The following ARHGAP26 variants were observed in gnomAD, a reference collection of about 807,000 sequenced individuals.
ARHGAP26 encodes the protein Rho GTPase activating protein 26.
ARHGAP26 carries 38 observed loss-of-function variants against 104.8 expected under a neutral mutation model. The observed-to-expected ratio is 0.36, with a 90% CI of 0.28 to 0.48. The LOEUF (loss-of-function observed/expected upper bound fraction) is 0.48. Among genes scored for constraint, ARHGAP26 ranks in the 20% least tolerant of loss-of-function variants. The pLI is 0.99. For synonymous variants in ARHGAP26, 341 were observed against 340.0 expected, an observed-to-expected ratio of 1.00 and a Z score of -0.03; for missense variants, 704 against 947.9, an observed-to-expected ratio of 0.74 and a Z score of 3.38.
chr5:143,142,046 A>G (rs543090336), intron 19 of ARHGAP26, among the ~76,000 whole-genome samples: 113 of 151,838 alleles, frequency 7.4e-4, no homozygotes, highest in African/African-American at 2.6e-3. Flanking sequence ...CAAAATCAGA[A>G]GTCGTTTTGC....
At chr5:143,073,877 C>T (rs1413836605) in intron 17 of ARHGAP26, among the ~76,000 whole-genome samples, 7 of 152,176 alleles carry the variant, frequency 4.6e-5, no homozygotes, top group African/African-American at 9.7e-5. Flanking sequence ...CCGTTAACTT[C>T]GAAGACATCT....
intron 10 of ARHGAP26, among the ~76,000 whole-genome samples, chr5:142,916,190 A>C (rs1399814912): frequency 6.6e-6 from 1 of 152,258 alleles, no homozygotes; most frequent in Non-Finnish European, 1.5e-5. Context: ...TTCTATCAAG[A>C]TACAAATACA....
intron 1 of ARHGAP26, among the ~76,000 whole-genome samples, chr5:142,776,708 C>T (rs903730336): frequency 2.0e-5 from 3 of 152,112 alleles, no homozygotes; most frequent in Admixed American, 6.5e-5. Flanking sequence ...TGTTTGCATA[C>T]GTGTCTTCAT....
chr5:143,075,071 G>A (rs1359680382), intron 17 of ARHGAP26, among the ~76,000 whole-genome samples: 1 of 152,186 alleles, frequency 6.6e-6, no homozygotes, highest in Non-Finnish European at 1.5e-5. Context: ...GATAGCAAAG[G>A]CTAGATAGCC....
intron 17 of ARHGAP26, among the ~76,000 whole-genome samples, chr5:143,099,191 C>T (rs1331799054): frequency 3.3e-5 from 5 of 152,166 alleles, no homozygotes; most frequent in East Asian, 1.9e-4. Flanking sequence ...TCTATCTTTG[C>T]AGAAGCTGAG....
chr5:143,119,328 G>C (rs1795860150), intron 17 of ARHGAP26, among the ~76,000 whole-genome samples: 1 of 152,188 alleles, frequency 6.6e-6, no homozygotes, highest in South Asian at 2.1e-4. Context: ...TGTGACAAGA[G>C]GCTAAGTTTA....
intron 17 of ARHGAP26, among the ~76,000 whole-genome samples, chr5:143,105,221 C>T (rs1168923099): frequency 6.6e-6 from 1 of 151,726 alleles, no homozygotes; most frequent in Non-Finnish European, 1.5e-5. Flanking sequence ...ACTAAAAATA[C>T]AAAAAATTAG....
Position 142,834,299 on chromosome 5 carries a change from A to G in ARHGAP26, c.155-39101A>G, listed in dbSNP as rs1447972288. ...AATGATTAGCATCCTGGAAAGCTCC[A>G]TCTCATCTCTAGCCTTTCCCTCTTC... is the stretch of plus-strand genomic sequence containing the variant. On this transcript the variant is annotated intron_variant, in intron 1 of 22. Transcript: ENST00000645722. Among the ~76,000 whole-genome samples, 5 of 152,372 alleles carry G rather than the reference A, an allele frequency of 3.3e-5. No individual in the cohort carries two copies. In the East Asian group the frequency reaches 7.7e-4, roughly 23 times the overall value.
rs866469397 is a variant in ARHGAP26, at chr5:143,132,175, T to C, written c.1699-1792T>C. On this transcript the variant is annotated intron_variant, in intron 18 of 22. Transcript: ENST00000645722. ...AGACAGCTGTGTTTCGGAGTGAGAC[T>C]GATTTAACCAGCTGGCTGGCATCAT... Among the ~76,000 whole-genome samples, 11 of 152,272 alleles carry C rather than the reference T, an allele frequency of 7.2e-5. 1 individual carries two copies. In the Middle Eastern group the frequency reaches 0.027, roughly 377 times the overall value.
chr5:142,786,166 G>A (rs1402629927), intron 1 of ARHGAP26, among the ~76,000 whole-genome samples: 1 of 147,548 alleles, frequency 6.8e-6, no homozygotes, highest in Admixed American at 6.7e-5. Flanking sequence ...TTTTTTTGTA[G>A]CGATGGGGGT....
chr5:142,989,868 T>C (rs1384711427), intron 11 of ARHGAP26, among the ~76,000 whole-genome samples: 2 of 152,218 alleles, frequency 1.3e-5, no homozygotes, highest in Non-Finnish European at 2.9e-5. Context: ...CCGACCTTTC[T>C]CTCTGGCTGC....
At chr5:143,160,310 C>A (rs1599296055) in intron 20 of ARHGAP26, among the ~76,000 whole-genome samples, 1 of 152,054 alleles carries the variant, frequency 6.6e-6, no homozygotes, top group African/African-American at 2.4e-5. Context: ...CCACCTGCCT[C>A]AGCCTCCCAA....
intron 18 of ARHGAP26, among the ~76,000 whole-genome samples, chr5:143,130,045 G>T (rs1797147356): frequency 6.6e-6 from 1 of 152,156 alleles, no homozygotes. Flanking sequence ...TGATGATATG[G>T]CAGTGATGTC....
chr5:143,089,217 C>T (rs1296677955), intron 17 of ARHGAP26, among the ~76,000 whole-genome samples: 1 of 152,074 alleles, frequency 6.6e-6, no homozygotes, highest in Non-Finnish European at 1.5e-5. Context: ...GAAGAAGCTT[C>T]TCTGGATAAG....
chr5:142,969,221 A>G (rs1771874826), intron 11 of ARHGAP26: 1 of 152,252 alleles, frequency 6.6e-6, no homozygotes, highest in African/African-American at 2.4e-5. Context: ...GATAACAGGT[A>G]TGAGCCACCA....
At position 143,226,267 on chromosome 5, in the gene ARHGAP26, G is replaced by A. The variant is rs1465653122; in HGVS notation, c.*3821G>A. On this transcript the variant is annotated 3_prime_UTR_variant, in exon 23 of 23. Transcript: ENST00000645722. ...GAGGCCGAGGCGGGCGGATCACGAG[G>A]TCAGGAGATTGAGACCATCCTGGCT... 5.7e-6 allele frequency: 1 copy of A among 176,932 alleles called. No individual in the cohort carries two copies. Among genetic ancestry groups the A allele is most frequent in the African/African-American group, 2.4e-5 (1 of 42,230 alleles). The allele number at this position is 176,932 out of a possible 1,614,324, so 11.0% of individuals were successfully genotyped here.
chr5:143,211,992 C>T (rs894340006), intron 21 of ARHGAP26, among the ~76,000 whole-genome samples: 3 of 152,102 alleles, frequency 2.0e-5, no homozygotes, highest in African/African-American at 7.2e-5. Flanking sequence ...TGCCAAATAC[C>T]CCTGCTGGTT....
intron 17 of ARHGAP26, among the ~76,000 whole-genome samples, chr5:143,119,823 G>A (rs926848140): frequency 1.3e-5 from 2 of 151,596 alleles, no homozygotes; most frequent in African/African-American, 4.9e-5. Flanking sequence ...AAAATTGGTT[G>A]ATATGGTATT....
At chr5:142,797,661 C>T (rs1261126043) in intron 1 of ARHGAP26, among the ~76,000 whole-genome samples, 3 of 152,220 alleles carry the variant, frequency 2.0e-5, no homozygotes, top group Non-Finnish European at 4.4e-5. Flanking sequence ...TCTCTCACAG[C>T]AACCCTCGTC....
Sources: allele counts gnomAD v4.1 joint callset (sites outside exome capture counted in the v4.1 genomes callset), GRCh38; gene constraint gnomAD v4.1.1; transcripts MANE v1.5; gene names NCBI Gene and HGNC (gene_info 2026-07-23, HGNC 2026-07-21).